NRXN1: variants seen among roughly 807,000 people sequenced by gnomAD.
The protein encoded by NRXN1 is neurexin 1.
A neutral mutation model predicts 150.9 loss-of-function variants in NRXN1; 39 were observed. The observed-to-expected ratio is 0.26, with a 90% CI of 0.20 to 0.34. NRXN1 has a LOEUF of 0.34. Among genes scored for constraint, NRXN1 ranks in the 10% least tolerant of loss-of-function variants. The pLI, the probability that NRXN1 is intolerant of heterozygous loss-of-function variation, is 1.00. For synonymous variants in NRXN1, 924 were observed against 757.0 expected (o/e 1.22, Z -3.62); for missense variants, 1,815 against 1,949.9 (o/e 0.93, Z 1.30).
intron 5 of NRXN1, among the ~76,000 whole-genome samples, chr2:50,817,508 C>T (rs1282777180): frequency 6.6e-6 from 1 of 151,926 alleles, no homozygotes; most frequent in African/African-American, 2.4e-5. Flanking sequence ...TTTATGAGGC[C>T]AGCATTGTGG....
chr2:50,755,470 C>G (rs190328847), intron 5 of NRXN1, among the ~76,000 whole-genome samples: 33 of 151,902 alleles, frequency 2.2e-4, no homozygotes, highest in African/African-American at 6.7e-4. Flanking sequence ...TCCCAAGGAA[C>G]AGTTTTTCCT....
chr2:50,486,580 C>A (rs1308942833), intron 15 of NRXN1, among the ~76,000 whole-genome samples: 3 of 152,110 alleles, frequency 2.0e-5, no homozygotes, highest in South Asian at 4.2e-4. Context: ...TGTTTGAATT[C>A]TTTTTACAGT....
At chr2:50,082,244 A>G (rs1295180776) in intron 19 of NRXN1, among the ~76,000 whole-genome samples, 2 of 152,210 alleles carry the variant, frequency 1.3e-5, no homozygotes, top group Non-Finnish European at 2.9e-5. Flanking sequence ...AAGTCCTTCA[A>G]GACAATCTCA....
chr2:50,460,037 A>G (rs1310898716), intron 17 of NRXN1, among the ~76,000 whole-genome samples: 1 of 152,112 alleles, frequency 6.6e-6, no homozygotes, highest in Non-Finnish European at 1.5e-5. Flanking sequence ...ATTTAGTGAT[A>G]ACTAAAACCA....
At chr2:50,062,223 A>G (rs114653734) in intron 19 of NRXN1, among the ~76,000 whole-genome samples, 1,973 of 152,234 alleles carry the variant, frequency 0.013, 43 homozygotes, top group African/African-American at 0.045. Flanking sequence ...TCCAAATATG[A>G]TAGTGTCAGG....
intron 17 of NRXN1, among the ~76,000 whole-genome samples, chr2:50,272,154 T>A (rs2069766039): frequency 6.6e-6 from 1 of 152,150 alleles, no homozygotes; most frequent in South Asian, 2.1e-4. Flanking sequence ...TTGCATGAAA[T>A]AGATGATGAT....
At chr2:50,938,948 A>C (rs1688962277) in intron 2 of NRXN1, among the ~76,000 whole-genome samples, 1 of 152,174 alleles carries the variant, frequency 6.6e-6, no homozygotes, top group South Asian at 2.1e-4. Flanking sequence ...GCGGTGGCTC[A>C]TGCCTATAAT....
intron 8 of NRXN1, among the ~76,000 whole-genome samples, chr2:50,585,613 C>T (rs1672977666): frequency 6.6e-6 from 1 of 152,074 alleles, no homozygotes. Flanking sequence ...TTACCTAATA[C>T]TTGGCAAAGT....
At chr2:50,849,761 G>C (rs184119471) in intron 5 of NRXN1, among the ~76,000 whole-genome samples, 102 of 152,206 alleles carry the variant, frequency 6.7e-4, no homozygotes, top group Non-Finnish European at 1.1e-3. Context: ...CGGAATATAA[G>C]ATCCTGTAAC....
At chr2:50,220,290 A>C (rs149189040) in intron 18 of NRXN1, among the ~76,000 whole-genome samples, 2 of 151,820 alleles carry the variant, frequency 1.3e-5, no homozygotes, top group African/African-American at 2.4e-5. Flanking sequence ...TCTCTGAACT[A>C]GGGTGGATTG....
intron 21 of NRXN1, among the ~76,000 whole-genome samples, chr2:50,038,074 G>GAA (rs1187838532): frequency 6.6e-5 from 10 of 152,282 alleles, no homozygotes; most frequent in African/African-American, 2.4e-4. Flanking sequence ...GAACAGCTTA[G>GAA]AATATGATAT....
intron 21 of NRXN1, among the ~76,000 whole-genome samples, chr2:49,960,183 C>CT (rs1308173937): frequency 4.6e-5 from 7 of 152,154 alleles, no homozygotes; most frequent in African/African-American, 1.4e-4. Context: ...TGAGTTTCAT[C>CT]TTAGCTTTCA....
chr2:50,877,731 A>C (rs1678820773), intron 5 of NRXN1, among the ~76,000 whole-genome samples: 1 of 151,908 alleles, frequency 6.6e-6, no homozygotes. Context: ...CATACTGGTG[A>C]ACTGCTTCAC....
At chr2:50,391,685 A>G (rs1345145410) in intron 17 of NRXN1, among the ~76,000 whole-genome samples, 1 of 152,106 alleles carries the variant, frequency 6.6e-6, no homozygotes, top group Admixed American at 6.6e-5. Flanking sequence ...CTTTTAGCAA[A>G]TGGATCAATG....
chr2:50,443,893 T>C (rs1469292156), intron 17 of NRXN1, among the ~76,000 whole-genome samples: 1 of 152,210 alleles, frequency 6.6e-6, no homozygotes, highest in Non-Finnish European at 1.5e-5. Flanking sequence ...GATTGCCATT[T>C]GGAAATTTAA....
At position 49,942,815 on chromosome 2, in the gene NRXN1, G is replaced by A. The variant is rs143108832; in HGVS notation, c.4216+889C>T. ...GGCAGGGACAGGGTTTTGGCATGTT[G>A]GCCAGGGTGGTCTCAAACTCCTGAC... On this transcript the variant is annotated intron_variant, in intron 22 of 22. Coordinates refer to ENST00000401669, the MANE Select transcript of NRXN1 (RefSeq NM_001330078.2). Among the ~76,000 whole-genome samples, 1,099 of 152,168 alleles carry A rather than the reference G, an allele frequency of 7.2e-3. 7 individuals carry two copies. The highest frequency in any genetic ancestry group is 0.025 in the African/African-American group (1,054 of 41,510).
chr2:50,202,551 C>A (rs2062253663), intron 18 of NRXN1, among the ~76,000 whole-genome samples: 2 of 151,898 alleles, frequency 1.3e-5, no homozygotes, highest in East Asian at 3.9e-4. Context: ...TGGACTTGAG[C>A]AGTAATGATA....
intron 5 of NRXN1, among the ~76,000 whole-genome samples, chr2:50,730,963 G>A (rs1393814194): frequency 6.6e-6 from 1 of 152,064 alleles, no homozygotes; most frequent in Non-Finnish European, 1.5e-5. Flanking sequence ...GTGAGCCACC[G>A]CGCCCGGCCT....
chr2:50,696,319 T>C (rs1197845276), intron 5 of NRXN1: 2 of 152,456 alleles, frequency 1.3e-5, no homozygotes, highest in Non-Finnish European at 2.9e-5. Context: ...GAAATGTACA[T>C]AATTCTTCAC....
Sources: gnomAD v4.1 joint callset for allele counts (sites outside exome capture counted in the v4.1 genomes callset) on GRCh38, gnomAD v4.1.1 for gene constraint, MANE v1.5 for transcripts, NCBI Gene and HGNC (gene_info 2026-07-23, HGNC 2026-07-21) for gene names.